VCL: variants seen among roughly 807,000 people sequenced by gnomAD.
VCL encodes the protein epididymis luminal protein 114.
Under a neutral mutation model 125.7 loss-of-function variants are expected in VCL, and 47 were observed. The ratio of observed to expected loss-of-function variants is 0.37; its 90% CI spans 0.30 to 0.48. The LOEUF (loss-of-function observed/expected upper bound fraction) is 0.48. Among genes scored for constraint, VCL ranks in the 20% least tolerant of loss-of-function variants. The pLI, the probability that VCL is intolerant of heterozygous loss-of-function variation, is 0.99. For synonymous variants in VCL, 458 were observed against 514.6 expected (o/e 0.89, Z 1.49); for missense variants, 1,069 against 1,455.5 (o/e 0.73, Z 4.32).
intron 2 of VCL, among the ~76,000 whole-genome samples, chr10:74,048,464 CAA>C (rs369346650): frequency 2.3e-4 from 28 of 119,172 alleles, no homozygotes; most frequent in East Asian, 2.9e-4. Context: ...AACTCTGTCT[CAA>C]AAAAAAAAAA....
chr10:74,104,322 G>C (rs1840101264), intron 15 of VCL, among the ~76,000 whole-genome samples: 1 of 152,136 alleles, frequency 6.6e-6, no homozygotes, highest in South Asian at 2.1e-4. Flanking sequence ...AACCACAATA[G>C]CTACCATTTA....
intron 1 of VCL, among the ~76,000 whole-genome samples, chr10:74,021,654 T>A (rs1199895989): frequency 6.6e-6 from 1 of 152,188 alleles, no homozygotes; most frequent in Non-Finnish European, 1.5e-5. Context: ...AACTGGAAGC[T>A]CCAACTTGGG....
chr10:74,026,424 G>A (rs1194994683), intron 1 of VCL, among the ~76,000 whole-genome samples: 1 of 152,176 alleles, frequency 6.6e-6, no homozygotes, highest in Non-Finnish European at 1.5e-5. Context: ...ACTTCTCTGT[G>A]ACTCTGTTCC....
chr10:74,006,138 G>A (rs754417621), intron 1 of VCL, among the ~76,000 whole-genome samples: 25 of 152,014 alleles, frequency 1.6e-4, no homozygotes, highest in Non-Finnish European at 3.2e-4. Context: ...CGCTCGCCTC[G>A]GCCTCCCAAA....
At chr10:74,032,106 GT>G (rs1840885130) in intron 1 of VCL, among the ~76,000 whole-genome samples, 1 of 133,488 alleles carries the variant, frequency 7.5e-6, no homozygotes, top group Admixed American at 7.7e-5. Context: ...GGGTGTGGTT[GT>G]ATACACCTGT....
At chr10:74,022,328 C>A (rs923745180) in intron 1 of VCL, among the ~76,000 whole-genome samples, 1 of 151,886 alleles carries the variant, frequency 6.6e-6, no homozygotes, top group African/African-American at 2.4e-5. Flanking sequence ...GGTGGATCAC[C>A]TGAGGTCAGG....
intron 7 of VCL, 109 bp from the exon 8 acceptor site, chr10:74,083,257 G>T (rs966264302): frequency 6.9e-7 from 1 of 1,452,318 alleles, no homozygotes; most frequent in Admixed American, 1.8e-5. Flanking sequence ...CTATTCACTC[G>T]TCTTGTTTAA....
In VCL at chr10:74,118,829, C is replaced by G. The variant is rs1443175396; in HGVS notation, c.*660C>G. 2 of 156,850 alleles carry G rather than the reference C, an allele frequency of 1.3e-5. No individual in the cohort carries two copies. The highest frequency in any genetic ancestry group is 4.8e-5 in the African/African-American group (2 of 41,438). The allele number at this position is 156,850 out of a possible 1,614,324, so 9.7% of individuals were successfully genotyped here. A position where few individuals can be genotyped will look rare whatever the true frequency, so the allele number is the denominator to read the frequency against. ...ACAATATAAAACTGTACTTCACTGT[C>G]AGGAAGAAATCACAGAATCATATGA... On this transcript the variant is annotated 3_prime_UTR_variant, in exon 22 of 22. Coordinates refer to ENST00000211998, the MANE Select transcript of VCL (RefSeq NM_014000.3).
chr10:74,008,422 A>G (rs2395075), intron 1 of VCL, among the ~76,000 whole-genome samples: 51,724 of 152,088 alleles, frequency 0.34, 9,973 homozygotes, highest in African/African-American at 0.53. Flanking sequence ...AGAGTATGTT[A>G]CCTTCTATCT....
At position 74,070,717 on chromosome 10, in the gene VCL, A is replaced by C; in HGVS notation, c.287A>C (p.Gln96Pro). The C allele has an allele frequency of 4.3e-6, 7 of 1,614,206 alleles. No homozygotes were observed. The highest frequency in any genetic ancestry group is 5.9e-6 in the Non-Finnish European group (7 of 1,180,032). The change falls in exon 3 of 22, where the codon CAG becomes CCG. Residue 96 changes from glutamine to proline, a missense_variant. Gln to Pro is a moderately conservative substitution (Grantham distance 76). This residue lies in a region of VCL where 96 missense variants were observed against 137.6 expected (regional missense o/e 0.70). Coordinates refer to ENST00000211998, the MANE Select transcript of VCL (RefSeq NM_014000.3). ...CTTGTCCAGGCAGCTCAGATGCTTC[A>C]GTCAGACCCTTACTCAGTGCCTGCT... ...TKLVQAAQMLQSDPYSVPARD... is the reference protein window; with the variant it reads ...TKLVQAAQMLPSDPYSVPARD...
At chr10:74,031,509 T>C in intron 1 of VCL, among the ~76,000 whole-genome samples, 1 of 152,128 alleles carries the variant, frequency 6.6e-6, no homozygotes, top group Non-Finnish European at 1.5e-5. Flanking sequence ...ATTCTTAGAA[T>C]AAAACATGGG....
chr10:74,105,282 A>G lies in VCL; in HGVS notation c.2363A>G (p.Asp788Gly). 6.2e-7 allele frequency: 1 copy of G among 1,613,750 alleles called. No individual in the cohort carries two copies. ...CGTGAGGCTGTGAAAGCTGCCTCTG[A>G]TGAATTGAGCAAAACCATCTCCCCG... Reference protein sequence around the residue: ...KFREAVKAASDELSKTISPMV... With the variant: ...KFREAVKAASGELSKTISPMV... Residue 788 changes from aspartate (D) to glycine (G), a missense_variant, in exon 16 of 22, where the codon GAT becomes GGT. This residue lies in a region of VCL where 760 missense variants were observed against 928.9 expected (regional missense o/e 0.82). Coordinates refer to ENST00000211998, the MANE Select transcript of VCL (RefSeq NM_014000.3).
intron 21 of VCL, among the ~76,000 whole-genome samples, chr10:74,117,556 A>G (rs1427700476): frequency 4.6e-5 from 7 of 152,186 alleles, no homozygotes; most frequent in African/African-American, 1.7e-4. Flanking sequence ...TCAAAGGCTG[A>G]GGCAGGAGGA....
At position 74,105,179 on chromosome 10, in the gene VCL, A is replaced by G; in HGVS notation, c.2260A>G (p.Thr754Ala). The stretch of plus-strand genomic sequence containing the variant: ...GCCTCAGATGCTGGTTGCTGGGGCA[A>G]CCAGTATTGCTCGTCGGGCCAACCG... ...IQPQMLVAGATSIARRANRIL... is the reference protein window; with the variant it reads ...IQPQMLVAGAASIARRANRIL... The change falls in exon 16 of 22, where the codon ACC becomes GCC. Residue 754 changes from threonine (T) to alanine (A), a missense_variant. Coordinates refer to ENST00000211998, the MANE Select transcript of VCL (RefSeq NM_014000.3). The G allele has an allele frequency of 6.2e-7, 1 of 1,614,170 alleles. No homozygotes were observed. Among genetic ancestry groups the G allele is most frequent in the Non-Finnish European group, 8.5e-7 (1 of 1,180,014 alleles).
intron 19 of VCL, 98 bp downstream of exon 19, chr10:74,112,210 G>A (rs939053358): frequency 2.7e-6 from 4 of 1,497,122 alleles, no homozygotes; most frequent in Admixed American, 1.7e-5. Flanking sequence ...CTGGTCCTGT[G>A]AGTCTGAGCA....
Position 74,046,846 on chromosome 10 carries a change from A to G in VCL, c.239+3693A>G, listed in dbSNP as rs1291884019. 3.9e-5 allele frequency among the ~76,000 whole-genome samples: 6 copies of G among 152,330 alleles called. No individual in the cohort carries two copies. In the East Asian group the frequency reaches 1.2e-3, roughly 29 times the overall value. Reference sequence around the variant, plus strand: ...GCTTATCCCCAGAGACATATTCTGAAATATGCTATGTGCTTTCACAGACTT... The same window carrying G: ...GCTTATCCCCAGAGACATATTCTGAGATATGCTATGTGCTTTCACAGACTT... On this transcript the variant is annotated intron_variant, in intron 2 of 21. Coordinates refer to ENST00000211998, the MANE Select transcript of VCL (RefSeq NM_014000.3).
Position 74,097,232 on chromosome 10 carries a change from T to C in VCL, c.1772T>C (p.Met591Thr). 1 of 1,614,150 alleles carries C rather than the reference T, an allele frequency of 6.2e-7. No homozygotes were observed. The highest frequency in any genetic ancestry group is 8.5e-7 in the Non-Finnish European group (1 of 1,180,006). Residue 591 changes from methionine to threonine, a missense_variant, in exon 13 of 22, where the codon ATG (methionine) becomes ACG (threonine). This residue lies in a region of VCL where 760 missense variants were observed against 928.9 expected (regional missense o/e 0.82). Coordinates refer to ENST00000211998, the MANE Select transcript of VCL (RefSeq NM_014000.3). The surrounding 1 kb of genome is among the most constrained non-coding windows in gnomAD (Gnocchi z 4.1). The part of the protein sequence containing the change: ...KDLKARMQEA[M>T]TQEVSDVFSD... ...CTAAAAGCTCGGATGCAGGAGGCCA[T>C]GACTCAGGAAGTGTCAGATGTTTTC...
In VCL at chr10:74,100,866, T is replaced by A. The variant is rs1840041447; in HGVS notation, c.1873-82T>A. ...AAAGTCTTTGAGCAGTTGCTGCCCT[T>A]CTTAAAGGATGAAACTTTTTCTTAG... On this transcript the variant is annotated intron_variant, in intron 13 of 21. Coordinates refer to ENST00000211998, the MANE Select transcript of VCL (RefSeq NM_014000.3). The A allele has an allele frequency of 3.9e-6, 6 of 1,553,430 alleles. No individual in the cohort carries two copies. In the Admixed American group the frequency reaches 1.0e-4, roughly 26 times the overall value.
At chr10:74,038,007 T>C (rs1201477210) in intron 1 of VCL, among the ~76,000 whole-genome samples, 2 of 148,272 alleles carry the variant, frequency 1.3e-5, no homozygotes, top group East Asian at 4.0e-4. Context: ...TTCTTTTTTT[T>C]TTTTTTTTGA....
Sources: gnomAD v4.1 joint callset for allele counts (sites outside exome capture counted in the v4.1 genomes callset) on GRCh38, gnomAD v4.1.1 for gene constraint, gnomAD v4.1.1 regional missense constraint, Gnocchi (gnomAD v3.1) non-coding constraint, MANE v1.5 for transcripts, NCBI Gene and HGNC (gene_info 2026-07-23, HGNC 2026-07-21) for gene names.